Variants in PCNT observed in about 807,000 individuals in gnomAD.
PCNT encodes kendrin.
A neutral mutation model predicts 380.4 loss-of-function variants in PCNT; 319 were observed. The observed-to-expected ratio is 0.84, with a 90% CI of 0.77 to 0.92. The LOEUF (loss-of-function observed/expected upper bound fraction) is 0.92, where lower values mean the gene tolerates loss of function less well. Among genes scored for constraint, PCNT ranks in the 40% least tolerant of loss-of-function variants. PCNT has a pLI of 0.00. For missense variants in PCNT, 4,400 were observed against 4,255.3 expected (o/e 1.03, Z -0.95); for synonymous variants, 1,845 against 1,735.2 (o/e 1.06, Z -1.57).
Position 46,425,765 on chromosome 21 carries a change from G to A in PCNT, c.7180-66G>A, listed in dbSNP as rs2087467742. 2 of 1,608,186 alleles carry A rather than the reference G, an allele frequency of 1.2e-6. No homozygotes were observed. The highest frequency in any genetic ancestry group is 3.3e-5 in the Admixed American group (2 of 59,988). On this transcript the variant is annotated intron_variant, in intron 32 of 46. Transcript: ENST00000359568. The surrounding 1 kb of genome is among the most constrained non-coding windows in gnomAD (Gnocchi z 4.2). ...GTCCTGGCGGCAGCTCGGGGCCGCA[G>A]GTGGTGTAGAGCGTGGCTGTGTGGG...
chr21:46,394,197 G>A (rs748002218), intron 21 of PCNT, among the ~76,000 whole-genome samples: 3 of 152,226 alleles, frequency 2.0e-5, no homozygotes, highest in Admixed American at 1.3e-4. Flanking sequence ...GCGTGAACCC[G>A]GCCCTGGTGT....
chr21:46,412,823 TCTC>T lies in PCNT; in HGVS notation c.5995-10_5995-8del. 6.2e-7 allele frequency: 1 copy of T among 1,609,626 alleles called. No homozygotes were observed. The highest frequency in any genetic ancestry group is 8.5e-7 in the Non-Finnish European group (1 of 1,179,862). On this transcript the variant is annotated splice_polypyrimidine_tract_variant and intron_variant, in intron 28 of 46. Coordinates refer to ENST00000359568, the MANE Select transcript of PCNT (RefSeq NM_006031.6). ...CTCCTGCATGCTCAGCTTTCCTCTGTCTCCTCTGTCAAGGGTGATCTGCAGCCT... is the reference window on the plus strand; with the variant it reads ...CTCCTGCATGCTCAGCTTTCCTCTGTCTCTGTCAAGGGTGATCTGCAGCCT...
At chr21:46,415,923 A>G in intron 29 of PCNT, 146 bp from the exon 30 acceptor site, 1 of 731,224 alleles carries the variant, frequency 1.4e-6, no homozygotes, top group South Asian at 1.6e-5. Context: ...TTCTCATAGA[A>G]TTAAATAAAC....
intron 13 of PCNT, among the ~76,000 whole-genome samples, chr21:46,360,616 T>G (rs1299757419): frequency 6.6e-6 from 1 of 150,520 alleles, no homozygotes; most frequent in Non-Finnish European, 1.5e-5. Flanking sequence ...CCTCCCAGGT[T>G]CACGCCATTC....
At chr21:46,426,222 C>T (rs906793719) in intron 33 of PCNT, among the ~76,000 whole-genome samples, 2 of 151,888 alleles carry the variant, frequency 1.3e-5, no homozygotes, top group Non-Finnish European at 2.9e-5. Context: ...TTAGTAGAGA[C>T]GGGCTTTCAC....
chr21:46,329,841 C>A (rs2083501491), intron 2 of PCNT, among the ~76,000 whole-genome samples: 1 of 152,232 alleles, frequency 6.6e-6, no homozygotes, highest in Non-Finnish European at 1.5e-5. Flanking sequence ...AGGATACTTT[C>A]TCTAGGAAAA....
intron 1 of PCNT, among the ~76,000 whole-genome samples, chr21:46,324,532 C>T (rs1471092439): frequency 8.4e-6 from 1 of 118,950 alleles, no homozygotes; most frequent in Admixed American, 7.7e-5. Flanking sequence ...CGGCGCCTCT[C>T]GGGCGGGCCG....
intron 21 of PCNT, among the ~76,000 whole-genome samples, chr21:46,394,894 C>G (rs1204960963): frequency 6.6e-6 from 1 of 152,236 alleles, no homozygotes; most frequent in African/African-American, 2.4e-5. Context: ...GTGGGTGTCA[C>G]CTGCTTCGCC....
Position 46,443,938 on chromosome 21 carries a change from A to G in PCNT, c.9829A>G (p.Ser3277Gly). ...RRLAAAASPH[S>G]GGRATPSPNS... Reference sequence around the variant, plus strand: ...ACTGGCAGCAGCAGCCTCCCCACACAGTGGGGGAAGGTCAGTGTGATGCCT... The same window carrying G: ...ACTGGCAGCAGCAGCCTCCCCACACGGTGGGGGAAGGTCAGTGTGATGCCT... Residue 3277 changes from serine to glycine, a missense_variant, in exon 45 of 47, where the codon AGT (serine) becomes GGT (glycine). Physicochemically the swap from Ser to Gly is moderately conservative, Grantham distance 56. Coordinates refer to ENST00000359568, the MANE Select transcript of PCNT (RefSeq NM_006031.6). 1 of 1,612,094 alleles carries G rather than the reference A, an allele frequency of 6.2e-7. No individual in the cohort carries two copies. Among genetic ancestry groups the G allele is most frequent in the East Asian group, 2.2e-5 (1 of 44,868 alleles).
Position 46,435,988 on chromosome 21 carries a change from G to T in PCNT, c.8836G>T (p.Glu2946Ter), listed in dbSNP as rs775268249. ...QTVRDLESKD[E>*]VPGSRLHLGS... ...AGTGAGAGACCTGGAGTCGAAGGAC[G>T]AGGTGCCTGGCAGCCGCCTCCACCT... Residue 2946 changes from glutamate to a stop codon, truncating the protein, a stop_gained, in exon 39 of 47, where the codon GAG becomes TAG. Coordinates refer to ENST00000359568, the MANE Select transcript of PCNT (RefSeq NM_006031.6). LOFTEE classifies it high-confidence loss of function. The T allele has an allele frequency of 6.2e-7, 1 of 1,614,156 alleles. No homozygotes were observed. Among genetic ancestry groups the T allele is most frequent in the South Asian group, 1.1e-5 (1 of 91,084 alleles).
intron 26 of PCNT, among the ~76,000 whole-genome samples, chr21:46,402,052 C>T (rs1402960221): frequency 6.6e-6 from 1 of 152,136 alleles, no homozygotes; most frequent in African/African-American, 2.4e-5. Context: ...CAGGGTTTCA[C>T]CATGTTGGCC....
intron 24 of PCNT, among the ~76,000 whole-genome samples, chr21:46,398,846 G>T (rs2086300328): frequency 7.6e-6 from 1 of 132,110 alleles, no homozygotes; most frequent in African/African-American, 2.8e-5. Flanking sequence ...TTGAGTTGGA[G>T]TCTCATGCAG....
chr21:46,333,116 AAATT>A (rs2083609052), intron 2 of PCNT, among the ~76,000 whole-genome samples: 1 of 151,896 alleles, frequency 6.6e-6, no homozygotes, highest in Non-Finnish European at 1.5e-5. Flanking sequence ...TTGTCTCAAA[AAATT>A]AATTAAATTT....
intron 1 of PCNT, among the ~76,000 whole-genome samples, chr21:46,325,820 GT>G (rs1417760848): frequency 2.2e-4 from 33 of 152,330 alleles, no homozygotes; most frequent in African/African-American, 6.7e-4. Flanking sequence ...GCGATGCTCT[GT>G]GGATGTCCCT....
intron 17 of PCNT, among the ~76,000 whole-genome samples, chr21:46,387,425 G>C (rs2085876445): frequency 6.6e-6 from 1 of 152,136 alleles, no homozygotes; most frequent in East Asian, 1.9e-4. Context: ...TTAACTCGAG[G>C]GGTGCAGAGG....
intron 3 of PCNT, among the ~76,000 whole-genome samples, chr21:46,343,045 G>A (rs1388316013): frequency 6.6e-6 from 1 of 152,072 alleles, no homozygotes; most frequent in Non-Finnish European, 1.5e-5. Flanking sequence ...TGAATTCATC[G>A]ATCAGATGTA....
chr21:46,359,506 T>TTTTTTTTTTTTTTTTTTTC (rs1384504010), intron 13 of PCNT, among the ~76,000 whole-genome samples: 1 of 126,230 alleles, frequency 7.9e-6, no homozygotes, highest in Non-Finnish European at 1.8e-5. Flanking sequence ...TTTTTTTTTT[T>TTTTTTTTTTTTTTTTTTTC]TGAGACAGTG....
Position 46,359,491 on chromosome 21 carries a change from G to GTTTTTTTTTTTTT in PCNT, c.2154+2304_2154+2316dup, listed in dbSNP as rs1219693835. On this transcript the variant is annotated intron_variant, in intron 13 of 46. Coordinates refer to ENST00000359568, the MANE Select transcript of PCNT (RefSeq NM_006031.6). ...CCAAAAATACACCTGTTTTTTTTTT[G>GTTTTTTTTTTTTT]TTTTTTTTTTTTTTTTGAGACAGTG... is the stretch of plus-strand genomic sequence containing the variant. Among the ~76,000 whole-genome samples, 13 of 66,074 alleles carry GTTTTTTTTTTTTT rather than the reference G, an allele frequency of 2.0e-4. 1 individual carries two copies. The highest frequency in any genetic ancestry group is 1.4e-4 in the African/African-American group (3 of 20,970). The allele number at this position is 66,074 out of a possible 152,430, so 43.3% of individuals were successfully genotyped here.
chr21:46,435,383 G>A lies in PCNT; in HGVS notation c.8752-521G>A, dbSNP rs568108818. ...TGGGATTACAGGTGCGCACCACCAC[G>A]CCCAGCTAATTTTTATATTTTTAGT... On this transcript the variant is annotated intron_variant, in intron 38 of 46. Coordinates refer to ENST00000359568, the MANE Select transcript of PCNT (RefSeq NM_006031.6). 6.6e-5 allele frequency among the ~76,000 whole-genome samples: 10 copies of A among 151,950 alleles called. No individual in the cohort carries two copies. The East Asian group carries it at 1.2e-3, about 18-fold the overall frequency.
Sources: gnomAD v4.1 joint callset for allele counts (sites outside exome capture counted in the v4.1 genomes callset) on GRCh38, gnomAD v4.1.1 for gene constraint, Gnocchi (gnomAD v3.1) non-coding constraint, MANE v1.5 for transcripts, NCBI Gene and HGNC (gene_info 2026-07-23, HGNC 2026-07-21) for gene names.